Variants in PRMT3 observed in about 807,000 individuals in gnomAD.
PRMT3 encodes protein arginine N-methyltransferase 3.
PRMT3 carries 62 observed loss-of-function variants against 71.9 expected under a neutral mutation model. That is an observed-to-expected ratio of 0.86 (90% CI 0.70 to 1.07). The LOEUF (loss-of-function observed/expected upper bound fraction) is 1.07, where lower values mean the gene tolerates loss of function less well. PRMT3 is among the 50% of genes least tolerant of loss of function. PRMT3 has a pLI of 0.00. For missense variants in PRMT3, 663 were observed against 643.0 expected (o/e 1.03, Z -0.34); for synonymous variants, 213 against 220.4 (o/e 0.97, Z 0.30).
intron 11 of PRMT3, among the ~76,000 whole-genome samples, chr11:20,461,642 A>G (rs1850385505): frequency 6.6e-6 from 1 of 152,228 alleles, no homozygotes; most frequent in Non-Finnish European, 1.5e-5. Context: ...GAATATAGGA[A>G]TAAGTAAAGA....
chr11:20,428,585 C>T (rs1005038649), intron 10 of PRMT3, among the ~76,000 whole-genome samples: 12 of 152,160 alleles, frequency 7.9e-5, no homozygotes, highest in African/African-American at 2.9e-4. Context: ...CTGCAGTTAG[C>T]TGGATTGAAT....
At chr11:20,436,603 T>A (rs1411603347) in intron 10 of PRMT3, among the ~76,000 whole-genome samples, 2 of 152,194 alleles carry the variant, frequency 1.3e-5, no homozygotes, top group African/African-American at 4.8e-5. Flanking sequence ...GTGTACATTT[T>A]GTCATCCTTG....
intron 11 of PRMT3, among the ~76,000 whole-genome samples, chr11:20,455,618 AATTTG>A (rs1308609367): frequency 3.9e-5 from 6 of 152,024 alleles, no homozygotes; most frequent in Non-Finnish European, 8.8e-5. Context: ...ATTATGAGAT[AATTTG>A]ATTCCTAATT....
rs71063629 is a variant in PRMT3 at position 20,404,211 on chromosome 11, GTTTTTTT to G, written c.771+1262_771+1268del. Among the ~76,000 whole-genome samples, 23 of 34,314 alleles carry G rather than the reference GTTTTTTT, an allele frequency of 6.7e-4. 2 individuals carry two copies. The highest frequency in any genetic ancestry group is 1.7e-3 in the African/African-American group (13 of 7,466). 22.5% of individuals were successfully genotyped at this position (34,314 alleles called of 152,430 possible). On this transcript the variant is annotated intron_variant, in intron 8 of 15. Coordinates refer to ENST00000331079, the MANE Select transcript of PRMT3 (RefSeq NM_005788.4). ...GTTACTATAGTGGAGACTTTTCATA[GTTTTTTT>G]TTTTTTTTTTTTTTTTTTTTTTTTT...
intron 10 of PRMT3, among the ~76,000 whole-genome samples, chr11:20,437,729 A>G (rs1278486468): frequency 2.6e-5 from 4 of 152,148 alleles, no homozygotes; most frequent in African/African-American, 4.8e-5. Context: ...AGCTGGGACT[A>G]CAAGCACTCG....
intron 5 of PRMT3, 83 bp from the exon 6 acceptor site, chr11:20,395,720 T>G: frequency 7.5e-7 from 1 of 1,328,016 alleles, no homozygotes; most frequent in Non-Finnish European, 1.0e-6. Context: ...AGTAGAAACT[T>G]AGGGCGTATT....
intron 9 of PRMT3, among the ~76,000 whole-genome samples, chr11:20,424,320 T>C (rs908966835): frequency 1.1e-4 from 16 of 152,308 alleles, no homozygotes; most frequent in Middle Eastern, 3.4e-3. Context: ...GAAGAAAGTG[T>C]TGTATTGGCA....
intron 15 of PRMT3, among the ~76,000 whole-genome samples, chr11:20,503,634 T>G (rs1851510129): frequency 6.6e-6 from 1 of 152,160 alleles, no homozygotes; most frequent in Non-Finnish European, 1.5e-5. Context: ...CTTGGCATTT[T>G]TTTTTTTTGA....
intron 13 of PRMT3, among the ~76,000 whole-genome samples, chr11:20,481,262 TAAAAA>T (rs11451315): frequency 6.8e-6 from 1 of 147,258 alleles, no homozygotes; most frequent in African/African-American, 2.5e-5. Flanking sequence ...AGCATTCAGG[TAAAAA>T]AAAAAAAAGT....
intron 6 of PRMT3, among the ~76,000 whole-genome samples, chr11:20,397,345 C>A (rs1590031820): frequency 6.6e-6 from 1 of 152,138 alleles, no homozygotes; most frequent in East Asian, 1.9e-4. Flanking sequence ...GAGCTACAAT[C>A]TGCGGTTGGC....
Position 20,485,306 on chromosome 11 carries a change from C to G in PRMT3, c.1348-8613C>G, listed in dbSNP as rs78660398. 1.6e-3 allele frequency among the ~76,000 whole-genome samples: 248 copies of G among 152,070 alleles called. 1 individual carries two copies. The highest frequency in any genetic ancestry group is 5.6e-3 in the African/African-American group (232 of 41,466). Reference sequence around the variant, plus strand: ...ACAAAGTTTTTCAAATATTAATGTTCAAAACATATTCAGAGGTAATCAGTC... The same window carrying G: ...ACAAAGTTTTTCAAATATTAATGTTGAAAACATATTCAGAGGTAATCAGTC... On this transcript the variant is annotated intron_variant, in intron 13 of 15. Transcript: ENST00000331079.
chr11:20,507,325 A>G (rs1363339883), intron 15 of PRMT3, among the ~76,000 whole-genome samples: 2 of 152,174 alleles, frequency 1.3e-5, no homozygotes, highest in African/African-American at 4.8e-5. Flanking sequence ...GGCAGGGACC[A>G]TATCTTTTTT....
intron 10 of PRMT3, among the ~76,000 whole-genome samples, chr11:20,449,132 C>T (rs181835656): frequency 5.3e-4 from 81 of 152,180 alleles, no homozygotes; most frequent in African/African-American, 1.5e-3. Context: ...GGACAATGAC[C>T]ATTAGCAATA....
At chr11:20,438,789 C>T (rs1244829524) in intron 10 of PRMT3, among the ~76,000 whole-genome samples, 1 of 152,134 alleles carries the variant, frequency 6.6e-6, no homozygotes, top group East Asian at 1.9e-4. Flanking sequence ...AGCCAAGGCA[C>T]CATTTCCTGG....
chr11:20,434,301 A>G (rs1555012936), intron 10 of PRMT3, among the ~76,000 whole-genome samples: 1 of 152,174 alleles, frequency 6.6e-6, no homozygotes, highest in Non-Finnish European at 1.5e-5. Flanking sequence ...ATAGTTTGCA[A>G]ATATTTTCTT....
intron 9 of PRMT3, among the ~76,000 whole-genome samples, chr11:20,421,171 G>A (rs565035668): frequency 1.8e-4 from 28 of 152,134 alleles, no homozygotes; most frequent in African/African-American, 5.8e-4. Flanking sequence ...TCGAGTAGCC[G>A]GGACCACAGG....
At chr11:20,443,444 T>C (rs1332073385) in intron 10 of PRMT3, among the ~76,000 whole-genome samples, 1 of 152,226 alleles carries the variant, frequency 6.6e-6, no homozygotes, top group Non-Finnish European at 1.5e-5. Flanking sequence ...TTCCTCCATG[T>C]TCGTTGACTA....
intron 5 of PRMT3, among the ~76,000 whole-genome samples, chr11:20,393,292 A>C (rs1848756884): frequency 6.6e-6 from 1 of 151,964 alleles, no homozygotes. Flanking sequence ...CTAAAAATAC[A>C]AAAAATTAGC....
At chr11:20,496,035 G>A (rs1851323381) in intron 15 of PRMT3, among the ~76,000 whole-genome samples, 1 of 152,186 alleles carries the variant, frequency 6.6e-6, no homozygotes, top group South Asian at 2.1e-4. Flanking sequence ...ATGAAGCTAA[G>A]TATAGATGTA....
Sources: allele counts gnomAD v4.1 joint callset (sites outside exome capture counted in the v4.1 genomes callset), GRCh38; gene constraint gnomAD v4.1.1; transcripts MANE v1.5; gene names NCBI Gene and HGNC (gene_info 2026-07-23, HGNC 2026-07-21).